SMCO2: variants seen among roughly 807,000 people sequenced by gnomAD.
The protein encoded by SMCO2 is single-pass membrane protein with coiled-coil domains 2, also known as single-pass membrane and coiled-coil domain-containing protein 2.
SMCO2 carries 25 observed loss-of-function variants against 29.5 expected under a neutral mutation model. The observed-to-expected ratio is 0.85, with a 90% confidence interval of 0.62 to 1.18. The LOEUF is 1.18. Among genes scored for constraint, SMCO2 ranks in the 50% most tolerant of loss-of-function variants. The pLI, the probability that SMCO2 is intolerant of heterozygous loss-of-function variation, is 0.00. For synonymous variants in SMCO2, 117 were observed against 123.3 expected (o/e 0.95, Z 0.34); for missense variants, 348 against 344.5 (o/e 1.01, Z -0.08).
chr12:27,472,681 A>T, intron 2 of SMCO2, 95 bp from the exon 3 acceptor site: 1 of 838,342 alleles, frequency 1.2e-6, no homozygotes. Flanking sequence ...ACTGGGGAAG[A>T]TCTCAGTGTT....
chr12:27,444,054 G>A, the SMCO2 span, among the ~76,000 whole-genome samples: 5 of 152,140 alleles, frequency 3.3e-5, no homozygotes, highest in African/African-American at 9.6e-5. Flanking sequence ...GAGGCATCAC[G>A]CTACCTAACT....
At chr12:27,431,689 G>A in the SMCO2 span, among the ~76,000 whole-genome samples, 1 of 152,116 alleles carries the variant, frequency 6.6e-6, no homozygotes, top group Admixed American at 6.5e-5. Flanking sequence ...TAGCTATTAT[G>A]AATAATGCTG....
chr12:27,438,619 C>T, the SMCO2 span, among the ~76,000 whole-genome samples: 1 of 152,188 alleles, frequency 6.6e-6, no homozygotes, highest in South Asian at 2.1e-4. Flanking sequence ...ATCTGATCAA[C>T]TACATTAGTC....
chr12:27,442,242 A>G, the SMCO2 span, among the ~76,000 whole-genome samples: 1 of 152,210 alleles, frequency 6.6e-6, no homozygotes, highest in African/African-American at 2.4e-5. Context: ...AGACAAAAAA[A>G]TTAATGAAAT....
intron 5 of SMCO2, among the ~76,000 whole-genome samples, chr12:27,493,630 G>A (rs903057239): frequency 9.9e-5 from 15 of 152,122 alleles, no homozygotes; most frequent in African/African-American, 3.6e-4. Context: ...GCTTTTCAGG[G>A]TATCCTGAAC....
chr12:27,427,577 T>G, the SMCO2 span, among the ~76,000 whole-genome samples: 1 of 152,106 alleles, frequency 6.6e-6, no homozygotes, highest in East Asian at 1.9e-4. Flanking sequence ...TTAAATACAT[T>G]AAAATGAACT....
At chr12:27,452,570 GC>G in the SMCO2 span, among the ~76,000 whole-genome samples, 1 of 152,254 alleles carries the variant, frequency 6.6e-6, no homozygotes, top group East Asian at 1.9e-4. Flanking sequence ...GCTTACTGCA[GC>G]CTTGACCTCT....
the SMCO2 span, among the ~76,000 whole-genome samples, chr12:27,445,455 A>G: frequency 6.6e-6 from 1 of 152,222 alleles, no homozygotes; most frequent in African/African-American, 2.4e-5. Flanking sequence ...TGGGTGTTCT[A>G]TATTTTATCT....
the SMCO2 span, among the ~76,000 whole-genome samples, chr12:27,431,497 A>ACTT: frequency 1.3e-5 from 2 of 152,228 alleles, no homozygotes; most frequent in Non-Finnish European, 2.9e-5. Flanking sequence ...AAATACAAAT[A>ACTT]CATGAAGTAT....
At chr12:27,453,904 G>A in the SMCO2 span, among the ~76,000 whole-genome samples, 1 of 152,194 alleles carries the variant, frequency 6.6e-6, no homozygotes, top group Non-Finnish European at 1.5e-5. Context: ...AAGAGCAAGT[G>A]TCAAAAATCA....
chr12:27,456,699 C>T, the SMCO2 span, among the ~76,000 whole-genome samples: 1 of 151,660 alleles, frequency 6.6e-6, no homozygotes, highest in South Asian at 2.1e-4. Context: ...ATTTTTTTCC[C>T]CAAACTTTTA....
chr12:27,437,544 C>T, the SMCO2 span, among the ~76,000 whole-genome samples: 7 of 151,962 alleles, frequency 4.6e-5, no homozygotes, highest in Admixed American at 3.3e-4. Flanking sequence ...TTTCCCAAAG[C>T]GTAGATTTCA....
At chr12:27,477,330 A>G (rs577264165) in intron 4 of SMCO2, among the ~76,000 whole-genome samples, 1 of 146,658 alleles carries the variant, frequency 6.8e-6, no homozygotes, top group Admixed American at 7.1e-5. Context: ...ATTCCCTTAT[A>G]TGTGACTTGA....
At chr12:27,467,128 T>C (rs1949504594) in intron 1 of SMCO2, among the ~76,000 whole-genome samples, 1 of 152,128 alleles carries the variant, frequency 6.6e-6, no homozygotes, top group Non-Finnish European at 1.5e-5. Flanking sequence ...ATCTGGGTGG[T>C]CAGGCCTGGA....
chr12:27,426,496 A>T, the SMCO2 span, among the ~76,000 whole-genome samples: 1 of 152,170 alleles, frequency 6.6e-6, no homozygotes, highest in Non-Finnish European at 1.5e-5. Context: ...CGTAAAGTAG[A>T]CTTCATTTGT....
At chr12:27,440,878 CAG>C in the SMCO2 span, among the ~76,000 whole-genome samples, 3 of 152,078 alleles carry the variant, frequency 2.0e-5, no homozygotes, top group Non-Finnish European at 4.4e-5. Flanking sequence ...TCTCAAAACA[CAG>C]AAAACAAGCA....
chr12:27,428,818 CTTTTTT>C, the SMCO2 span, among the ~76,000 whole-genome samples: 1 of 130,046 alleles, frequency 7.7e-6, no homozygotes, highest in Non-Finnish European at 1.6e-5. Context: ...AATAAATGTA[CTTTTTT>C]TTTTTTTTTT....
chr12:27,449,773 C>T, the SMCO2 span, among the ~76,000 whole-genome samples: 1 of 152,194 alleles, frequency 6.6e-6, no homozygotes, highest in Admixed American at 6.5e-5. Flanking sequence ...CTGGGTATTT[C>T]CATTGTCCTA....
At chr12:27,452,285 C>G in the SMCO2 span, among the ~76,000 whole-genome samples, 1 of 152,128 alleles carries the variant, frequency 6.6e-6, no homozygotes, top group Non-Finnish European at 1.5e-5. Context: ...TTTAGGGTAT[C>G]CATTAACGGA....
Sources: allele counts gnomAD v4.1 joint callset (sites outside exome capture counted in the v4.1 genomes callset), GRCh38; gene constraint gnomAD v4.1.1; transcripts MANE v1.5; gene names NCBI Gene and HGNC (gene_info 2026-07-23, HGNC 2026-07-21).